The following SYNE1 variants were observed in gnomAD, a reference collection of about 807,000 sequenced individuals.
The protein encoded by SYNE1 is spectrin repeat containing nuclear envelope protein 1.
In SYNE1, 616 loss-of-function variants were observed where a neutral mutation model predicts 1,111.0. The ratio of observed to expected loss-of-function variants is 0.55; its 90% CI spans 0.52 to 0.59. The LOEUF is 0.59. Ranked by LOEUF, SYNE1 falls within the 20% of genes least tolerant of loss-of-function variation. The pLI is 0.00. For missense variants in SYNE1, 10,006 were observed against 10,417.0 expected, an observed-to-expected ratio of 0.96 and a Z score of 1.72; for synonymous variants, 3,855 against 3,825.8, an observed-to-expected ratio of 1.01 and a Z score of -0.28.
chr6:152,591,106 T>G (rs979848927), intron 3 of SYNE1, among the ~76,000 whole-genome samples: 3 of 152,206 alleles, frequency 2.0e-5, no homozygotes, highest in Non-Finnish European at 4.4e-5. Context: ...TTTAACCTCT[T>G]TGGGTAGGTG....
At position 152,329,959 on chromosome 6, in the gene SYNE1, C is replaced by T. The variant is rs368128856; in HGVS notation, c.14726G>A (p.Gly4909Glu). The stretch of plus-strand genomic sequence containing the variant: ...CAGGTTGAGGTCTAGGTACACCGGC[C>T]CACTGAGCTCTGCCTTCACTCTCCT... The part of the protein sequence containing the change: ...WLRRVKAELS[G>E]PVYLDLNLQD... The change falls in exon 78 of 146, where the codon GGG (glycine) becomes GAG (glutamate). Residue 4909 changes from glycine to glutamate, a missense_variant. Physicochemically the swap from Gly to Glu is moderately conservative, Grantham distance 98. Transcript: ENST00000367255. 6.2e-7 allele frequency: 1 copy of T among 1,614,140 alleles called. No individual in the cohort carries two copies. The highest frequency in any genetic ancestry group is 8.5e-7 in the Non-Finnish European group (1 of 1,180,026).
At chr6:152,167,718 C>T (rs1362034778) in intron 130 of SYNE1, 1 of 531,220 alleles carries the variant, frequency 1.9e-6, no homozygotes, top group South Asian at 1.4e-5. Flanking sequence ...TGTGAACCAG[C>T]TAAGGCTAAA....
Position 152,409,180 on chromosome 6 carries a change from T to C in SYNE1, c.6428A>G (p.Asp2143Gly), listed in dbSNP as rs189734757. 5.6e-5 allele frequency: 91 copies of C among 1,614,198 alleles called. No homozygotes were observed. The African/African-American group carries it at 1.1e-3, about 20-fold the overall frequency. The change falls in exon 44 of 146, where the codon GAT becomes GGT. Residue 2143 changes from aspartate (D) to glycine (G), a missense_variant. Transcript: ENST00000367255. The part of the protein sequence containing the change: ...NKMNYKQKDL[D>G]NFTSKGKHLL... The stretch of plus-strand genomic sequence containing the variant: ...GTGTTTTCCTTTGCTGGTAAAGTTA[T>C]CCAAGTCTTTCTGTTTGTAATTCAT...
At chr6:152,499,961 G>A (rs983006465) in intron 10 of SYNE1, among the ~76,000 whole-genome samples, 16 of 152,020 alleles carry the variant, frequency 1.1e-4, no homozygotes, top group Non-Finnish European at 5.9e-5. Context: ...TGTGTGTTTC[G>A]AATCTCTAAG....
chr6:152,218,193 A>G (rs1024124655), intron 121 of SYNE1, 64 bp downstream of exon 121: 81 of 1,560,748 alleles, frequency 5.2e-5, no homozygotes, highest in Non-Finnish European at 6.8e-5. Flanking sequence ...CTCCATCTCA[A>G]AAAAAAAAAG....
intron 99 of SYNE1, among the ~76,000 whole-genome samples, chr6:152,268,401 A>AC (rs1314524805): frequency 4.0e-5 from 6 of 151,654 alleles, no homozygotes; most frequent in African/African-American, 7.3e-5. Flanking sequence ...AAAAAAAAAA[A>AC]AAACCACCAA....
Position 152,367,312 on chromosome 6 carries a change from T to C in SYNE1, c.9878A>G (p.Gln3293Arg). ...NQFSLGIKEL[Q>R]DWMTDAIHML... ...GTGAATCGCATCCGTCATCCAGTCT[T>C]GTAATTCTTTAATCCCAAGAGAGAA... The change falls in exon 62 of 146, where the codon CAA (glutamine) becomes CGA (arginine). Residue 3293 changes from glutamine (Q) to arginine (R), a missense_variant. Physicochemically the swap from Gln to Arg is conservative, Grantham distance 43. Transcript: ENST00000367255. The C allele has an allele frequency of 6.2e-7, 1 of 1,614,236 alleles. No individual in the cohort carries two copies. The highest frequency in any genetic ancestry group is 8.5e-7 in the Non-Finnish European group (1 of 1,180,028).
At chr6:152,386,262 CT>C (rs2097525536) in intron 54 of SYNE1, among the ~76,000 whole-genome samples, 2 of 152,014 alleles carry the variant, frequency 1.3e-5, no homozygotes, top group African/African-American at 4.8e-5. Flanking sequence ...TTATTATTAT[CT>C]TATAGGAAAA....
Position 152,471,687 on chromosome 6 carries a change from T to TGA in SYNE1, c.1540_1541dup (p.Leu515HisfsTer10). 1 of 1,614,006 alleles carries TGA rather than the reference T, an allele frequency of 6.2e-7. No homozygotes were observed. The highest frequency in any genetic ancestry group is 8.5e-7 in the Non-Finnish European group (1 of 1,179,896). ...GCTTTGACTCTGCAAGAACCAGCAG[T>TGA]GAGAGCAGACGGTACTTTAATTCTA... is the stretch of plus-strand genomic sequence containing the variant. On this transcript the variant is annotated frameshift_variant, in exon 16 of 146. Coordinates refer to ENST00000367255, the MANE Select transcript of SYNE1 (RefSeq NM_182961.4). LOFTEE classifies it high-confidence loss of function.
Position 152,427,806 on chromosome 6 carries a change from C to G in SYNE1, c.4987G>C (p.Glu1663Gln). The G allele has an allele frequency of 6.2e-7, 1 of 1,614,010 alleles. No individual in the cohort carries two copies. Among genetic ancestry groups the G allele is most frequent in the Non-Finnish European group, 8.5e-7 (1 of 1,180,008 alleles). ...AACCAGGTCAAAAAGGATGATAGTT[C>G]TTTCTCTAGCCTAAAGGAAGCAGAG... ...LLAHWQRLEK[E>Q]LSSFLTWLER... Residue 1663 changes from glutamate (E) to glutamine (Q), a missense_variant, in exon 38 of 146, where the codon GAA becomes CAA. Transcript: ENST00000367255.
rs1349808182 is a variant in SYNE1 at position 152,510,270 on chromosome 6, A to T, written c.504T>A (p.Ser168Arg). The change falls in exon 8 of 146, where the codon AGT (serine) becomes AGA (arginine). Residue 168 changes from serine to arginine, a missense_variant. Transcript: ENST00000367255. ...IVSSETPSPP[S>R]KRKVTTKIQG... Reference sequence around the variant, plus strand: ...GGATCTTGGTGGTCACCTTCCGTTTACTTGGTGGGCTGGGAGTCTCAGAGC... The same window carrying T: ...GGATCTTGGTGGTCACCTTCCGTTTTCTTGGTGGGCTGGGAGTCTCAGAGC... The T allele has an allele frequency of 6.2e-7, 1 of 1,614,076 alleles. No homozygotes were observed. Among genetic ancestry groups the T allele is most frequent in the Non-Finnish European group, 8.5e-7 (1 of 1,179,990 alleles).
chr6:152,618,151 G>A (rs943341270), intron 3 of SYNE1, among the ~76,000 whole-genome samples: 22 of 152,142 alleles, frequency 1.4e-4, no homozygotes, highest in Admixed American at 1.2e-3. Context: ...CTACGTTTCT[G>A]GATGTATTGT....
At chr6:152,425,625 T>G in intron 38 of SYNE1, 78 bp from the exon 39 acceptor site, 1 of 1,549,090 alleles carries the variant, frequency 6.5e-7, no homozygotes, top group Non-Finnish European at 8.9e-7. Context: ...GCGGCTGTTG[T>G]CCAAAGGATT....
intron 35 of SYNE1, 95 bp from the exon 36 acceptor site, chr6:152,430,305 T>A (rs1318653684): frequency 1.7e-6 from 2 of 1,179,938 alleles, no homozygotes; most frequent in Middle Eastern, 2.0e-4. Context: ...CTACCTTTTA[T>A]GGATAACTTT....
chr6:152,188,931 C>A (rs2071092825), intron 128 of SYNE1, among the ~76,000 whole-genome samples: 1 of 118,082 alleles, frequency 8.5e-6, no homozygotes, highest in Non-Finnish European at 1.6e-5. Flanking sequence ...GCACTCCAGC[C>A]TGGGCAAAAG....
intron 115 of SYNE1, among the ~76,000 whole-genome samples, chr6:152,229,004 T>G (rs2082175371): frequency 6.6e-6 from 1 of 152,188 alleles, no homozygotes; most frequent in Admixed American, 6.5e-5. Flanking sequence ...AGTCTCAAAA[T>G]TGTAATCCAT....
At position 152,441,857 on chromosome 6, in the gene SYNE1, CTCTT is replaced by C. The variant is rs369537435; in HGVS notation, c.4008+214_4008+217del. Among the ~76,000 whole-genome samples, 126 of 152,334 alleles carry C rather than the reference CTCTT, an allele frequency of 8.3e-4. 1 individual carries two copies. In the South Asian group the frequency reaches 0.026, roughly 31 times the overall value. On this transcript the variant is annotated intron_variant, in intron 31 of 145. Coordinates refer to ENST00000367255, the MANE Select transcript of SYNE1 (RefSeq NM_182961.4). Reference sequence around the variant, plus strand: ...TGTGATACAGCACCTAGTCCTCAAACTCTTTCTTCTTAAGCATCCACACTTGCAA... The same window carrying C: ...TGTGATACAGCACCTAGTCCTCAAACTCTTCTTAAGCATCCACACTTGCAA...
At chr6:152,187,697 C>T (rs113342635) in intron 128 of SYNE1, among the ~76,000 whole-genome samples, 11 of 150,732 alleles carry the variant, frequency 7.3e-5, no homozygotes, top group African/African-American at 2.7e-4. Flanking sequence ...CTAGCCTTAG[C>T]TTGCTTAAAT....
intron 62 of SYNE1, 56 bp downstream of exon 62, chr6:152,367,158 GGAAA>G: frequency 6.2e-7 from 1 of 1,606,344 alleles, no homozygotes; most frequent in Non-Finnish European, 8.5e-7. Context: ...GATGGAGACG[GGAAA>G]TTTTGAGAAA....
Sources: gnomAD v4.1 joint callset for allele counts (sites outside exome capture counted in the v4.1 genomes callset) on GRCh38, gnomAD v4.1.1 for gene constraint, MANE v1.5 for transcripts, NCBI Gene and HGNC (gene_info 2026-07-23, HGNC 2026-07-21) for gene names.